Variants in NT5DC1 observed in about 807,000 individuals in gnomAD.
NT5DC1 encodes the protein 5'-nucleotidase domain-containing protein 1.
Under a neutral mutation model 59.4 loss-of-function variants are expected in NT5DC1, and 42 were observed. That is an observed-to-expected ratio of 0.71 (90% CI 0.55 to 0.92). The LOEUF (loss-of-function observed/expected upper bound fraction) is 0.92. Among genes scored for constraint, NT5DC1 ranks in the 40% least tolerant of loss-of-function variants. The pLI is 0.00. For synonymous variants in NT5DC1, 172 were observed against 188.1 expected (o/e 0.91, Z 0.70); for missense variants, 501 against 537.1 (o/e 0.93, Z 0.66).
At chr6:116,103,810 G>A (rs1228584172) in intron 1 of NT5DC1, among the ~76,000 whole-genome samples, 1 of 152,186 alleles carries the variant, frequency 6.6e-6, no homozygotes, top group Non-Finnish European at 1.5e-5. Context: ...CTCTAAGGTT[G>A]CAGACTCAGA....
chr6:116,203,251 T>C (rs544124953), intron 6 of NT5DC1, among the ~76,000 whole-genome samples: 10 of 152,108 alleles, frequency 6.6e-5, no homozygotes, highest in African/African-American at 2.4e-4. Flanking sequence ...ATTTCTTGGA[T>C]TCATTTTCAT....
intron 4 of NT5DC1, among the ~76,000 whole-genome samples, chr6:116,115,345 T>C (rs1778944586): frequency 6.6e-6 from 1 of 152,232 alleles, no homozygotes; most frequent in Non-Finnish European, 1.5e-5. Flanking sequence ...GGTAAATTGA[T>C]TGTTTTGAAA....
chr6:116,145,360 AT>A (rs1436715702), intron 6 of NT5DC1: 6 of 280,032 alleles, frequency 2.1e-5, no homozygotes, highest in African/African-American at 1.3e-4. Context: ...CTAAAAAAAA[AT>A]CAACATTAAA....
intron 8 of NT5DC1, among the ~76,000 whole-genome samples, chr6:116,229,239 T>C (rs1321796360): frequency 2.6e-5 from 4 of 152,208 alleles, no homozygotes; most frequent in Non-Finnish European, 2.9e-5. Flanking sequence ...TCCCTCCCTT[T>C]TAAGTTGTCC....
intron 6 of NT5DC1, among the ~76,000 whole-genome samples, chr6:116,175,387 T>C (rs73774214): frequency 0.039 from 5,910 of 152,272 alleles, 176 homozygotes; most frequent in African/African-American, 0.079. Flanking sequence ...AGTTTGACTA[T>C]GATGTGGTAG....
intron 8 of NT5DC1, among the ~76,000 whole-genome samples, chr6:116,227,792 C>T (rs559257355): frequency 1.3e-5 from 2 of 152,216 alleles, no homozygotes; most frequent in Non-Finnish European, 2.9e-5. Context: ...GTCCTTTGCT[C>T]ATTTTTTTAA....
intron 6 of NT5DC1, among the ~76,000 whole-genome samples, chr6:116,201,734 A>G (rs1333057424): frequency 6.6e-6 from 1 of 152,022 alleles, no homozygotes; most frequent in African/African-American, 2.4e-5. Context: ...TGCAGCCGAA[A>G]GAAACACAGG....
intron 11 of NT5DC1, among the ~76,000 whole-genome samples, chr6:116,242,495 A>G (rs76089712): frequency 6.9e-6 from 1 of 144,788 alleles, no homozygotes; most frequent in African/African-American, 2.5e-5. Flanking sequence ...AAAAAAAAAA[A>G]GAGAGAGAGA....
intron 6 of NT5DC1, among the ~76,000 whole-genome samples, chr6:116,163,141 A>AAAAAAAAAAATATAT (rs761718922): frequency 9.0e-5 from 8 of 88,404 alleles, no homozygotes; most frequent in African/African-American, 4.0e-4. Context: ...AAAAAAAAAA[A>AAAAAAAAAAATATAT]ATATATATAT....
At chr6:116,191,799 A>G (rs1781124229) in intron 6 of NT5DC1, among the ~76,000 whole-genome samples, 1 of 152,000 alleles carries the variant, frequency 6.6e-6, no homozygotes, top group South Asian at 2.1e-4. Context: ...ATTGATGTAC[A>G]GTATTTATAT....
intron 6 of NT5DC1, among the ~76,000 whole-genome samples, chr6:116,204,794 T>C (rs955098507): frequency 1.3e-5 from 2 of 152,052 alleles, no homozygotes; most frequent in Non-Finnish European, 2.9e-5. Context: ...GAAAAAACTT[T>C]GTCCATGTTT....
chr6:116,129,596 A>G (rs1428340236), intron 6 of NT5DC1, among the ~76,000 whole-genome samples: 1 of 152,116 alleles, frequency 6.6e-6, no homozygotes, highest in Non-Finnish European at 1.5e-5. Context: ...ATGCGATACT[A>G]CAGCATGAAC....
intron 6 of NT5DC1, among the ~76,000 whole-genome samples, chr6:116,200,007 G>A (rs1159517987): frequency 1.3e-5 from 2 of 149,574 alleles, no homozygotes; most frequent in African/African-American, 2.5e-5. Context: ...AGTGGGGGGG[G>A]AAGAGTAACT....
intron 6 of NT5DC1, among the ~76,000 whole-genome samples, chr6:116,199,539 T>C (rs1448375601): frequency 6.6e-6 from 1 of 152,120 alleles, no homozygotes; most frequent in Non-Finnish European, 1.5e-5. Flanking sequence ...CACTCAGATC[T>C]TAGTTTCTAA....
At chr6:116,129,592 T>C (rs567675973) in intron 6 of NT5DC1, among the ~76,000 whole-genome samples, 1 of 152,324 alleles carries the variant, frequency 6.6e-6, no homozygotes, top group African/African-American at 2.4e-5. Context: ...TGCCATGCGA[T>C]ACTACAGCAT....
intron 6 of NT5DC1, among the ~76,000 whole-genome samples, chr6:116,182,233 G>GTGTGTGTGTGTGTA (rs1780897197): frequency 6.6e-6 from 1 of 151,510 alleles, no homozygotes; most frequent in African/African-American, 2.4e-5. Context: ...GTGTGTGTGT[G>GTGTGTGTGTGTGTA]TGTGTGTGTG....
At chr6:116,187,649 GA>G in intron 6 of NT5DC1, among the ~76,000 whole-genome samples, 1 of 152,034 alleles carries the variant, frequency 6.6e-6, no homozygotes, top group East Asian at 1.9e-4. Context: ...TGGAGAGTTG[GA>G]AATCTATGTA....
Position 116,177,249 on chromosome 6 carries a change from C to T in NT5DC1, c.530-43805C>T, listed in dbSNP as rs186109004. Among the ~76,000 whole-genome samples the T allele has an allele frequency of 1.5e-3, 229 of 152,200 alleles. 1 individual carries two copies. The highest frequency in any genetic ancestry group is 0.014 in the Middle Eastern group (4 of 292). On this transcript the variant is annotated intron_variant, in intron 6 of 11. Transcript: ENST00000319550. ...TAGATTATGTTTCTTTGCTATTTCC[C>T]TTGACTGTTTATAACATTCATGACA...
At chr6:116,179,541 A>G (rs1343206927) in intron 6 of NT5DC1, among the ~76,000 whole-genome samples, 2 of 152,202 alleles carry the variant, frequency 1.3e-5, no homozygotes, top group Admixed American at 6.6e-5. Flanking sequence ...CAAAATGCTC[A>G]ACGTCACTAA....
Sources: gnomAD v4.1 joint callset for allele counts (sites outside exome capture counted in the v4.1 genomes callset) on GRCh38, gnomAD v4.1.1 for gene constraint, MANE v1.5 for transcripts, NCBI Gene and HGNC (gene_info 2026-07-23, HGNC 2026-07-21) for gene names.